Variants in CFAP61 observed in about 807,000 individuals in gnomAD.
CFAP61 encodes the protein cilia and flagella associated protein 61.
In CFAP61, 107 loss-of-function variants were observed where a neutral mutation model predicts 135.6. That is an observed-to-expected ratio of 0.79 (90% CI 0.67 to 0.93). The LOEUF (loss-of-function observed/expected upper bound fraction) is 0.93. Ranked by LOEUF, CFAP61 falls within the 40% of genes least tolerant of loss-of-function variation. CFAP61 has a pLI of 0.00. For synonymous variants in CFAP61, 575 were observed against 578.5 expected (o/e 0.99, Z 0.09); for missense variants, 1,507 against 1,556.2 (o/e 0.97, Z 0.53).
At position 20,200,987 on chromosome 20, in the gene CFAP61, T is replaced by C. The variant is rs117740528; in HGVS notation, c.1932+1085T>C. ...TTTATATTTGTAAAATAACAAAAAA[T>C]TTATATCATTGTAAATTTATATGTG... On this transcript the variant is annotated intron_variant, in intron 17 of 26. Coordinates refer to ENST00000245957, the MANE Select transcript of CFAP61 (RefSeq NM_015585.4). 2.7e-4 allele frequency: 263 copies of C among 980,094 alleles called. 6 individuals are homozygous for C. In the East Asian group the frequency reaches 0.027, roughly 99 times the overall value. The allele number at this position is 980,094 out of a possible 1,614,324, so 60.7% of individuals were successfully genotyped here.
At chr20:20,175,947 AATCT>A (rs750731594) in intron 13 of CFAP61, among the ~76,000 whole-genome samples, 1 of 152,164 alleles carries the variant, frequency 6.6e-6, no homozygotes, top group Non-Finnish European at 1.5e-5. Context: ...AAATTTTTGC[AATCT>A]ATCCATCTGA....
intron 17 of CFAP61, among the ~76,000 whole-genome samples, chr20:20,224,269 A>G (rs2048581990): frequency 6.6e-6 from 1 of 152,102 alleles, no homozygotes; most frequent in Non-Finnish European, 1.5e-5. Flanking sequence ...TAAAACATTA[A>G]CATTTGCTCA....
Position 20,299,931 on chromosome 20 carries a change from A to C in CFAP61, c.3422+1545A>C, listed in dbSNP as rs148747768. Among the ~76,000 whole-genome samples, 4 of 152,362 alleles carry C rather than the reference A, an allele frequency of 2.6e-5. No individual in the cohort carries two copies. The East Asian group carries it at 7.7e-4, about 29-fold the overall frequency. ...TGGGTCACGGAACATGCACGTCTTC[A>C]ACTTTACTAGTTGATGCCCAAATGT... is the stretch of plus-strand genomic sequence containing the variant. On this transcript the variant is annotated intron_variant, in intron 25 of 26. Transcript: ENST00000245957.
chr20:20,231,313 G>A (rs1021170741), intron 18 of CFAP61, among the ~76,000 whole-genome samples: 4 of 152,140 alleles, frequency 2.6e-5, no homozygotes, highest in East Asian at 1.9e-4. Context: ...TGAGTCCTGC[G>A]TCTTGTCCTT....
chr20:20,204,345 A>G (rs1449484129), intron 17 of CFAP61, among the ~76,000 whole-genome samples: 1 of 152,084 alleles, frequency 6.6e-6, no homozygotes, highest in Non-Finnish European at 1.5e-5. Flanking sequence ...TTGTCCTTCT[A>G]CAAAGAAAAA....
chr20:20,097,202 A>G (rs2047647859), intron 7 of CFAP61, among the ~76,000 whole-genome samples: 1 of 152,026 alleles, frequency 6.6e-6, no homozygotes, highest in African/African-American at 2.4e-5. Flanking sequence ...ATTTATGGAA[A>G]GATGCTGCGT....
chr20:20,341,199 A>G (rs760456513), intron 25 of CFAP61, among the ~76,000 whole-genome samples: 3 of 152,184 alleles, frequency 2.0e-5, no homozygotes, highest in Non-Finnish European at 2.9e-5. Flanking sequence ...AATACCAATA[A>G]GAGTTCTTGG....
At chr20:20,274,187 T>C (rs1160159258) in intron 21 of CFAP61, among the ~76,000 whole-genome samples, 1 of 152,184 alleles carries the variant, frequency 6.6e-6, no homozygotes, top group African/African-American at 2.4e-5. Context: ...ATGATAACAA[T>C]ATGAGGGATT....
Position 20,201,043 on chromosome 20 carries a change from C to T in CFAP61, c.1932+1141C>T, listed in dbSNP as rs1183293627. ...AGACTGTTCATATAAAGCAGGACTT[C>T]TCAATCTATCTGTCCTTTTTTTAAT... is the stretch of plus-strand genomic sequence containing the variant. On this transcript the variant is annotated intron_variant, in intron 17 of 26. Transcript: ENST00000245957. The T allele has an allele frequency of 5.2e-6, 4 of 774,252 alleles. No individual in the cohort carries two copies. In the African/African-American group the frequency reaches 7.5e-5, roughly 15 times the overall value. 48.0% of individuals were successfully genotyped at this position (774,252 alleles called of 1,614,324 possible).
rs2059414179 is a variant in CFAP61, at chr20:20,359,948, A to C, written c.3514-262A>C. Among the ~76,000 whole-genome samples the C allele has an allele frequency of 6.6e-6, 1 of 152,246 alleles. No individual in the cohort carries two copies. Among genetic ancestry groups the C allele is most frequent in the Admixed American group, 6.5e-5 (1 of 15,278 alleles). Reference sequence around the variant, plus strand: ...CAGCGTTTCAGCTGACGAAGATGAGAAAGTCCTGGAGATGGACAGTGGTGA... The same window carrying C: ...CAGCGTTTCAGCTGACGAAGATGAGCAAGTCCTGGAGATGGACAGTGGTGA... On this transcript the variant is annotated intron_variant, in intron 26 of 26. Transcript: ENST00000245957. This position sits in a 1 kb window ranked among gnomAD's most constrained non-coding sequence, Gnocchi z 4.0.
chr20:20,252,580 T>C (rs2051028961), intron 20 of CFAP61, among the ~76,000 whole-genome samples: 1 of 152,180 alleles, frequency 6.6e-6, no homozygotes, highest in East Asian at 1.9e-4. Context: ...GCTTATCAGC[T>C]ATCTTTAGTG....
At chr20:20,292,398 T>C (rs1052440580) in intron 24 of CFAP61, among the ~76,000 whole-genome samples, 3 of 152,216 alleles carry the variant, frequency 2.0e-5, no homozygotes, top group South Asian at 2.1e-4. Flanking sequence ...CATTTTCTTA[T>C]AATAAAGGAA....
At position 20,359,678 on chromosome 20, in the gene CFAP61, C is replaced by A. The variant is rs1304604716; in HGVS notation, c.3514-532C>A. ...AAATTCCGTCTCAAAAAGCAAAAAACAAAACAACAACAACAACAAAACAAG... is the reference window on the plus strand; with the variant it reads ...AAATTCCGTCTCAAAAAGCAAAAAAAAAAACAACAACAACAACAAAACAAG... On this transcript the variant is annotated intron_variant, in intron 26 of 26. Coordinates refer to ENST00000245957, the MANE Select transcript of CFAP61 (RefSeq NM_015585.4). The surrounding 1 kb of genome is among the most constrained non-coding windows in gnomAD (Gnocchi z 4.0). 3.9e-5 allele frequency among the ~76,000 whole-genome samples: 1 copy of A among 25,660 alleles called. No homozygotes were observed. The highest frequency in any genetic ancestry group is 5.1e-5 in the African/African-American group (1 of 19,760). The allele number at this position is 25,660 out of a possible 152,430, so 16.8% of individuals were successfully genotyped here.
At chr20:20,175,489 TTTTTGTTTTGTTTTGTTTTG>T (rs11467125) in intron 13 of CFAP61, among the ~76,000 whole-genome samples, 3,912 of 145,888 alleles carry the variant, frequency 0.027, 186 homozygotes, top group African/African-American at 0.093. Context: ...TTTTTTTTTG[TTTTTGTTTTGTTTTGTTTTG>T]TTTTGTTTTG....
intron 9 of CFAP61, among the ~76,000 whole-genome samples, chr20:20,150,679 C>A (rs561845220): frequency 1.1e-4 from 16 of 152,310 alleles, no homozygotes; most frequent in Middle Eastern, 3.4e-3. Context: ...TCCACCAGAG[C>A]AGGTGCTGGT....
At chr20:20,354,208 G>A (rs1390483990) in intron 26 of CFAP61, among the ~76,000 whole-genome samples, 1 of 152,150 alleles carries the variant, frequency 6.6e-6, no homozygotes, top group Non-Finnish European at 1.5e-5. Context: ...TTTATGCTAA[G>A]TATAATAATT....
chr20:20,185,259 A>T (rs1390087699), intron 13 of CFAP61, among the ~76,000 whole-genome samples: 1 of 152,248 alleles, frequency 6.6e-6, no homozygotes, highest in Admixed American at 6.5e-5. Context: ...TTTGAGTATA[A>T]GAGTCTTGTG....
chr20:20,123,286 C>T (rs1180186551), intron 8 of CFAP61, among the ~76,000 whole-genome samples: 1 of 151,710 alleles, frequency 6.6e-6, no homozygotes, highest in Non-Finnish European at 1.5e-5. Context: ...TAAGTCCCAA[C>T]TATTTATCTT....
At chr20:20,146,351 A>G (rs1194835830) in intron 9 of CFAP61, among the ~76,000 whole-genome samples, 1 of 152,236 alleles carries the variant, frequency 6.6e-6, no homozygotes, top group East Asian at 1.9e-4. Context: ...AAACAACTTA[A>G]TTCAGCATAG....
Sources: allele counts gnomAD v4.1 joint callset (sites outside exome capture counted in the v4.1 genomes callset), GRCh38; gene constraint gnomAD v4.1.1; non-coding constraint Gnocchi (gnomAD v3.1); transcripts MANE v1.5; gene names NCBI Gene and HGNC (gene_info 2026-07-23, HGNC 2026-07-21).